Variants in RIN2 observed in about 807,000 individuals in gnomAD.
The protein encoded by RIN2 is RAB5 interacting protein 2.
In RIN2, 36 loss-of-function variants were observed where a neutral mutation model predicts 78.0. The observed-to-expected ratio is 0.46, with a 90% CI of 0.35 to 0.61. RIN2 has a LOEUF of 0.61. RIN2 is among the 20% of genes least tolerant of loss of function. The pLI, the probability that RIN2 is intolerant of heterozygous loss-of-function variation, is 0.00. For synonymous variants in RIN2, 466 were observed against 466.8 expected (o/e 1.00, Z 0.02); for missense variants, 1,087 against 1,159.7 (o/e 0.94, Z 0.91).
chr20:19,962,510 T>C lies in RIN2; in HGVS notation c.463+1699T>C, dbSNP rs111963878. ...CTTGTGGCCGAAGGTTTTTCCCCCA[T>C]AATTTGACAAGGCCTCTAATCACTT... On this transcript the variant is annotated intron_variant, in intron 6 of 12. Transcript: ENST00000255006. 5.9e-5 allele frequency among the ~76,000 whole-genome samples: 9 copies of C among 152,264 alleles called. No homozygotes were observed. In the Middle Eastern group the frequency reaches 0.01, roughly 173 times the overall value.
chr20:19,844,706 CT>C (rs2036723141), intron 2 of RIN2, among the ~76,000 whole-genome samples: 16 of 15,222 alleles, frequency 1.1e-3, no homozygotes, highest in East Asian at 4.6e-3. Context: ...TCCTCTTCTT[CT>C]TCTTCTTCTT....
chr20:19,901,560 G>A (rs779665112), intron 3 of RIN2, among the ~76,000 whole-genome samples: 7 of 152,120 alleles, frequency 4.6e-5, no homozygotes, highest in African/African-American at 7.2e-5. Context: ...CTCAAACTCC[G>A]TTGTTGGTAT....
intron 4 of RIN2, among the ~76,000 whole-genome samples, chr20:19,944,968 G>A (rs969153550): frequency 6.6e-6 from 1 of 152,208 alleles, no homozygotes; most frequent in South Asian, 2.1e-4. Flanking sequence ...AAGACGGTAA[G>A]AAGTCATCCT....
intron 11 of RIN2, 84 bp from the exon 12 acceptor site, chr20:19,996,595 A>T: frequency 7.3e-7 from 1 of 1,373,268 alleles, no homozygotes; most frequent in East Asian, 2.3e-5. Flanking sequence ...AATACAAAAC[A>T]TGCCTTCTAA....
At chr20:19,771,890 C>G (rs547634705) in intron 1 of RIN2, among the ~76,000 whole-genome samples, 1 of 152,272 alleles carries the variant, frequency 6.6e-6, no homozygotes, top group East Asian at 1.9e-4. Context: ...CTCCTCTTGC[C>G]CTCCTCACTC....
At chr20:19,881,042 C>T (rs1220571648) in intron 2 of RIN2, among the ~76,000 whole-genome samples, 2 of 152,194 alleles carry the variant, frequency 1.3e-5, no homozygotes, top group African/African-American at 4.8e-5. Flanking sequence ...TGGTTTCAGT[C>T]TAGAGATCTA....
At chr20:19,858,124 T>G (rs55976516) in intron 2 of RIN2, among the ~76,000 whole-genome samples, 1 of 127,890 alleles carries the variant, frequency 7.8e-6, no homozygotes, top group South Asian at 2.5e-4. Flanking sequence ...CTGTCTTTTT[T>G]TAAAAAAAAA....
intron 3 of RIN2, among the ~76,000 whole-genome samples, chr20:19,916,000 G>C (rs1026558714): frequency 1.3e-5 from 2 of 152,212 alleles, no homozygotes; most frequent in Non-Finnish European, 2.9e-5. Context: ...CCAGCACTTT[G>C]GGAGGCCGAG....
intron 12 of RIN2, among the ~76,000 whole-genome samples, chr20:20,000,279 C>G (rs1019914057): frequency 1.3e-5 from 2 of 150,552 alleles, no homozygotes; most frequent in Admixed American, 1.3e-4. Flanking sequence ...GTTTAGTTTT[C>G]AAGCTGGGAA....
chr20:19,932,260 C>A (rs537822600), intron 3 of RIN2, among the ~76,000 whole-genome samples: 1 of 152,350 alleles, frequency 6.6e-6, no homozygotes, highest in African/African-American at 2.4e-5. Flanking sequence ...TCTCCACTCA[C>A]TTCTGCCTTC....
chr20:19,968,986 C>T (rs530353686), intron 7 of RIN2, among the ~76,000 whole-genome samples: 1 of 152,112 alleles, frequency 6.6e-6, no homozygotes, highest in South Asian at 2.1e-4. Flanking sequence ...CATTTGAGGA[C>T]AAGTGAAAGG....
intron 3 of RIN2, among the ~76,000 whole-genome samples, chr20:19,929,855 A>C (rs1003983486): frequency 6.6e-6 from 1 of 152,160 alleles, no homozygotes; most frequent in Non-Finnish European, 1.5e-5. Context: ...AAACAACTTC[A>C]AAAAAACACC....
chr20:19,954,243 C>G (rs1362030478), intron 4 of RIN2, among the ~76,000 whole-genome samples: 1 of 152,218 alleles, frequency 6.6e-6, no homozygotes, highest in Non-Finnish European at 1.5e-5. Context: ...TATAACTCAT[C>G]ATACATTCAG....
intron 8 of RIN2, among the ~76,000 whole-genome samples, chr20:19,971,935 T>C (rs1257412794): frequency 1.3e-5 from 2 of 152,002 alleles, no homozygotes; most frequent in African/African-American, 2.4e-5. Flanking sequence ...AGCGACGGCG[T>C]TTCACCACGT....
chr20:19,935,322 T>A, intron 4 of RIN2, 123 bp downstream of exon 4: 3 of 1,243,196 alleles, frequency 2.4e-6, no homozygotes, highest in Non-Finnish European at 3.3e-6. Flanking sequence ...GTAGCAGCTC[T>A]AGATGAAATC....
chr20:19,848,628 A>C (rs958959014), intron 2 of RIN2, among the ~76,000 whole-genome samples: 10 of 149,868 alleles, frequency 6.7e-5, no homozygotes, highest in South Asian at 2.1e-4. Flanking sequence ...CTTATTAATC[A>C]GTAACAATCC....
chr20:19,978,180 A>C (rs912072941), intron 9 of RIN2, among the ~76,000 whole-genome samples: 9 of 152,196 alleles, frequency 5.9e-5, no homozygotes, highest in African/African-American at 2.2e-4. Context: ...ATCTAGTTCT[A>C]TCCTCATTTC....
chr20:19,857,465 G>C (rs1372750502), intron 2 of RIN2, among the ~76,000 whole-genome samples: 1 of 152,010 alleles, frequency 6.6e-6, no homozygotes, highest in Non-Finnish European at 1.5e-5. Context: ...TCTTTTTGTA[G>C]ACACATACAT....
intron 2 of RIN2, among the ~76,000 whole-genome samples, chr20:19,877,971 G>A (rs1229870993): frequency 6.6e-6 from 1 of 152,206 alleles, no homozygotes. Context: ...AGTAAGCCAT[G>A]ATTATGCCAG....
Sources: gnomAD v4.1 joint callset for allele counts (sites outside exome capture counted in the v4.1 genomes callset) on GRCh38, gnomAD v4.1.1 for gene constraint, MANE v1.5 for transcripts, NCBI Gene and HGNC (gene_info 2026-07-23, HGNC 2026-07-21) for gene names.